Variants in CYP19A1 observed in about 807,000 individuals in gnomAD.
CYP19A1 encodes aromatase.
Under a neutral mutation model 44.4 loss-of-function variants are expected in CYP19A1, and 32 were observed. The ratio of observed to expected loss-of-function variants is 0.72; its 90% CI spans 0.54 to 0.97. CYP19A1 has a LOEUF of 0.97. CYP19A1 is among the 50% of genes least tolerant of loss of function. The probability of loss-of-function intolerance (pLI) is 0.00; values close to 1 mark genes in which losing one functional copy is unlikely to be tolerated. For missense variants in CYP19A1, 598 were observed against 637.8 expected (o/e 0.94, Z 0.67); for synonymous variants, 212 against 215.6 (o/e 0.98, Z 0.14).
At chr15:51,310,211 T>C (rs907587153) in intron 1 of CYP19A1, among the ~76,000 whole-genome samples, 3 of 152,134 alleles carry the variant, frequency 2.0e-5, no homozygotes, top group African/African-American at 7.2e-5. Flanking sequence ...CCAAACACTC[T>C]TAACAAAATA....
At chr15:51,282,337 C>T (rs897830216) in intron 1 of CYP19A1, among the ~76,000 whole-genome samples, 1 of 152,190 alleles carries the variant, frequency 6.6e-6, no homozygotes, top group Admixed American at 6.5e-5. Context: ...CCCTCGTGGC[C>T]TCTGGAATGA....
intron 1 of CYP19A1, among the ~76,000 whole-genome samples, chr15:51,325,720 C>A (rs550999035): frequency 1.1e-4 from 17 of 151,592 alleles, no homozygotes; most frequent in Admixed American, 9.2e-4. Context: ...TGCCTGTAAT[C>A]CCAGCTACTT....
At chr15:51,258,298 G>T (rs541648243) in intron 1 of CYP19A1, among the ~76,000 whole-genome samples, 1 of 152,192 alleles carries the variant, frequency 6.6e-6, no homozygotes, top group African/African-American at 2.4e-5. Context: ...CCAAATCACA[G>T]TTCCTAGCCC....
At position 51,208,219 on chromosome 15, in the gene CYP19A1, G is replaced by C. The variant is rs751474218; in HGVS notation, c.*2589C>G. The C allele has an allele frequency of 6.6e-6, 1 of 152,126 alleles. No homozygotes were observed. The highest frequency in any genetic ancestry group is 6.5e-5 in the Admixed American group (1 of 15,274). 9.4% of individuals were successfully genotyped at this position (152,126 alleles called of 1,614,324 possible). A position where few individuals can be genotyped will look rare whatever the true frequency, so the allele number is the denominator to read the frequency against. On this transcript the variant is annotated 3_prime_UTR_variant, in exon 10 of 10. Transcript: ENST00000396402. The stretch of plus-strand genomic sequence containing the variant: ...AGCATCATGAACAGTGAAAGGTGCT[G>C]CTTAGGAATAAAAAGTGGCAATTTC...
In CYP19A1 at chr15:51,246,382, T is replaced by C. The variant is rs555646526; in HGVS notation, c.-38-3432A>G. On this transcript the variant is annotated intron_variant, in intron 1 of 9. Transcript: ENST00000396402. ...ATTTTCTTGGGTCGCACCATTGTTA[T>C]TTGCAGAGTGGTCTCTGCCTGCTCA... Among the ~76,000 whole-genome samples, 3 of 152,308 alleles carry C rather than the reference T, an allele frequency of 2.0e-5. No homozygotes were observed. In the South Asian group the frequency reaches 6.2e-4, roughly 32 times the overall value.
intron 8 of CYP19A1, among the ~76,000 whole-genome samples, chr15:51,213,912 G>GAAAACACTCAA (rs2031294096): frequency 6.6e-6 from 1 of 152,088 alleles, no homozygotes; most frequent in African/African-American, 2.4e-5. Context: ...GAACCTGCTA[G>GAAAACACTCAA]GAGGCACTCA....
At chr15:51,269,619 A>G (rs2035051967) in intron 1 of CYP19A1, among the ~76,000 whole-genome samples, 1 of 152,206 alleles carries the variant, frequency 6.6e-6, no homozygotes, top group African/African-American at 2.4e-5. Flanking sequence ...ATTCACCACC[A>G]TGTTCACAGA....
intron 1 of CYP19A1, among the ~76,000 whole-genome samples, chr15:51,259,015 T>C (rs916245410): frequency 2.0e-5 from 3 of 152,144 alleles, no homozygotes; most frequent in African/African-American, 7.2e-5. Flanking sequence ...ATTGACAAAC[T>C]GTGGCAGTTT....
At chr15:51,246,921 ATTTTTTTCTCT>A (rs2034082945) in intron 1 of CYP19A1, among the ~76,000 whole-genome samples, 1 of 151,926 alleles carries the variant, frequency 6.6e-6, no homozygotes, top group Non-Finnish European at 1.5e-5. Context: ...GGAGAAATGC[ATTTTTTTCTCT>A]ATCCATTTCC....
intron 1 of CYP19A1, among the ~76,000 whole-genome samples, chr15:51,301,879 A>G (rs1024079991): frequency 6.6e-6 from 1 of 152,272 alleles, no homozygotes; most frequent in African/African-American, 2.4e-5. Context: ...CACAAATATT[A>G]TAAAAGTTAA....
intron 1 of CYP19A1, among the ~76,000 whole-genome samples, chr15:51,290,275 G>T (rs2035812000): frequency 6.6e-6 from 1 of 152,220 alleles, no homozygotes; most frequent in African/African-American, 2.4e-5. Context: ...ATGCTGCTAG[G>T]AGCAGCCATG....
intron 1 of CYP19A1, among the ~76,000 whole-genome samples, chr15:51,307,210 G>A (rs2036231816): frequency 6.6e-6 from 1 of 152,198 alleles, no homozygotes; most frequent in Non-Finnish European, 1.5e-5. Flanking sequence ...GGAGCCTGGT[G>A]AGAGTTGATG....
chr15:51,266,589 GTTTATT>G (rs1284896532), intron 1 of CYP19A1, among the ~76,000 whole-genome samples: 5 of 152,254 alleles, frequency 3.3e-5, no homozygotes, highest in African/African-American at 1.2e-4. Context: ...AACTTTCCAA[GTTTATT>G]TTTATTTTGA....
chr15:51,234,920 A>G (rs780763341), intron 3 of CYP19A1, among the ~76,000 whole-genome samples: 21 of 152,170 alleles, frequency 1.4e-4, no homozygotes, highest in Non-Finnish European at 2.1e-4. Context: ...GGCAGCAGGT[A>G]GATATCCTTC....
chr15:51,219,551 C>T (rs747162653), intron 5 of CYP19A1, among the ~76,000 whole-genome samples: 4 of 152,208 alleles, frequency 2.6e-5, no homozygotes, highest in Non-Finnish European at 4.4e-5. Context: ...CAAAACCATA[C>T]AGCCAGTGTG....
rs2032201267 is a variant in CYP19A1, at chr15:51,222,524, A to G, written c.453T>C (p.Ala151=). The G allele has an allele frequency of 1.2e-6, 2 of 1,612,770 alleles. No individual in the cohort carries two copies. The highest frequency in any genetic ancestry group is 1.7e-6 in the Non-Finnish European group (2 of 1,179,160). ...WKTTRPFFMK[A]LSGPGLVRMV... is the part of the protein sequence containing the mutation. ...TACGAACAAGGCCGGGGCCTGACAG[A>G]GCTGCAGAGTACACATCAGAGAATC... Residue 151 remains alanine, a splice_region_variant and synonymous_variant, in exon 5 of 10, where the codon GCT becomes GCC. Coordinates refer to ENST00000396402, the MANE Select transcript of CYP19A1 (RefSeq NM_000103.4).
intron 1 of CYP19A1, among the ~76,000 whole-genome samples, chr15:51,309,450 C>T (rs1346350813): frequency 6.6e-6 from 1 of 152,160 alleles, no homozygotes; most frequent in African/African-American, 2.4e-5. Flanking sequence ...CCCAACTCCC[C>T]CACTCTTTAT....
intron 7 of CYP19A1, 82 bp downstream of exon 7, chr15:51,215,621 A>C (rs2031492651): frequency 1.2e-6 from 2 of 1,611,022 alleles, no homozygotes; most frequent in South Asian, 1.1e-5. Context: ...AATATGCAAC[A>C]GTTACAAAAG....
intron 4 of CYP19A1, among the ~76,000 whole-genome samples, chr15:51,226,090 GAAAAAA>G (rs55642133): frequency 1.1e-4 from 5 of 44,408 alleles, no homozygotes; most frequent in African/African-American, 1.9e-4. Context: ...CTCTGTCTCA[GAAAAAA>G]AAAAAAAAAA....
Sources: gnomAD v4.1 joint callset for allele counts (sites outside exome capture counted in the v4.1 genomes callset) on GRCh38, gnomAD v4.1.1 for gene constraint, MANE v1.5 for transcripts, NCBI Gene and HGNC (gene_info 2026-07-23, HGNC 2026-07-21) for gene names.